The following SLC38A11 variants were observed in gnomAD, a reference collection of about 807,000 sequenced individuals.
The protein encoded by SLC38A11 is solute carrier family 38 member 11, also known as putative sodium-coupled neutral amino acid transporter 11.
In SLC38A11, 51 loss-of-function variants were observed where a neutral mutation model predicts 49.4. That is an observed-to-expected ratio of 1.03 (90% CI 0.83 to 1.30). The LOEUF (loss-of-function observed/expected upper bound fraction) is 1.30. Ranked by LOEUF, SLC38A11 falls within the 50% of genes most tolerant of loss-of-function variation. The pLI, the probability that SLC38A11 is intolerant of heterozygous loss-of-function variation, is 0.00. For synonymous variants in SLC38A11, 203 were observed against 192.9 expected, an observed-to-expected ratio of 1.05 and a Z score of -0.43; for missense variants, 574 against 556.2, an observed-to-expected ratio of 1.03 and a Z score of -0.32.
rs981451954 is a variant in SLC38A11 at position 164,895,234 on chromosome 2, G to C, written c.*3203C>G. On this transcript the variant is annotated 3_prime_UTR_variant, in exon 12 of 12. Transcript: ENST00000685975. ...CATCTCTGGTCCACTCTACATATTT[G>C]CTCTGCTATCTTGGCAAATTCTTTA... 1.3e-5 allele frequency among the ~76,000 whole-genome samples: 2 copies of C among 152,276 alleles called. No individual in the cohort carries two copies. Among genetic ancestry groups the C allele is most frequent in the Admixed American group, 6.5e-5 (1 of 15,290 alleles).
intron 11 of SLC38A11, among the ~76,000 whole-genome samples, chr2:164,899,533 T>C (rs1185842868): frequency 6.6e-6 from 1 of 152,114 alleles, no homozygotes; most frequent in Non-Finnish European, 1.5e-5. Flanking sequence ...ATAATATAAA[T>C]GTTAACATTT....
chr2:164,923,455 C>T (rs946112894), intron 7 of SLC38A11, among the ~76,000 whole-genome samples: 1 of 152,030 alleles, frequency 6.6e-6, no homozygotes, highest in Non-Finnish European at 1.5e-5. Flanking sequence ...AACAAATAGC[C>T]AATGAACATA....
chr2:164,949,777 A>T (rs1031798973), intron 3 of SLC38A11, among the ~76,000 whole-genome samples: 5 of 152,242 alleles, frequency 3.3e-5, no homozygotes, highest in African/African-American at 1.2e-4. Context: ...TCCCTGGGTA[A>T]CAGAATTCTC....
At chr2:164,950,347 G>A (rs1688439203) in intron 3 of SLC38A11, among the ~76,000 whole-genome samples, 2 of 152,188 alleles carry the variant, frequency 1.3e-5, no homozygotes, top group African/African-American at 4.8e-5. Context: ...GCTTGCTGAA[G>A]AAGGGTATGG....
At chr2:164,945,821 T>G in intron 3 of SLC38A11, 94 bp from the exon 4 acceptor site, 1 of 1,388,010 alleles carries the variant, frequency 7.2e-7, no homozygotes, top group Non-Finnish European at 9.9e-7. Flanking sequence ...GGGGAAATTT[T>G]AAAGAAGCAT....
chr2:164,920,980 A>C (rs1686157934), intron 7 of SLC38A11, among the ~76,000 whole-genome samples: 1 of 152,184 alleles, frequency 6.6e-6, no homozygotes, highest in Non-Finnish European at 1.5e-5. Context: ...GGACATCCAG[A>C]TAAACACAAA....
At chr2:164,953,493 C>T (rs950527197) in intron 2 of SLC38A11, among the ~76,000 whole-genome samples, 1 of 152,166 alleles carries the variant, frequency 6.6e-6, no homozygotes, top group Non-Finnish European at 1.5e-5. Context: ...TAACTTAACA[C>T]GTTCACATCA....
At chr2:164,952,598 T>C (rs2105522804) in intron 3 of SLC38A11, 109 bp downstream of exon 3, 1 of 799,166 alleles carries the variant, frequency 1.3e-6, no homozygotes, top group Non-Finnish European at 2.2e-6. Context: ...TTGATGCACT[T>C]TTTAATTAAC....
intron 7 of SLC38A11, among the ~76,000 whole-genome samples, chr2:164,925,633 A>G (rs988786451): frequency 3.9e-5 from 6 of 152,196 alleles, no homozygotes; most frequent in Non-Finnish European, 2.9e-5. Flanking sequence ...TTCCCTTCCT[A>G]TCCTGGTAAA....
At chr2:164,913,864 T>G (rs1685576382) in intron 9 of SLC38A11, among the ~76,000 whole-genome samples, 1 of 152,088 alleles carries the variant, frequency 6.6e-6, no homozygotes, top group South Asian at 2.1e-4. Context: ...TTTGACTGCA[T>G]TTGAATTTTG....
intron 3 of SLC38A11, among the ~76,000 whole-genome samples, chr2:164,949,194 AAT>A (rs199537684): frequency 0.56 from 84,326 of 150,910 alleles, 23,784 homozygotes; most frequent in South Asian, 0.77. Context: ...ATCGGATTCT[AAT>A]TTAATGTGAT....
intron 9 of SLC38A11, among the ~76,000 whole-genome samples, chr2:164,913,083 C>A (rs1187707115): frequency 4.6e-5 from 7 of 151,672 alleles, no homozygotes; most frequent in Non-Finnish European, 7.4e-5. Flanking sequence ...AGCTATAATA[C>A]CTCTGTACTG....
At chr2:164,919,608 A>T (rs1161011252) in intron 7 of SLC38A11, among the ~76,000 whole-genome samples, 1 of 152,196 alleles carries the variant, frequency 6.6e-6, no homozygotes, top group Admixed American at 6.5e-5. Context: ...AAAGCCATGG[A>T]TGCTCAAGTC....
intron 8 of SLC38A11, 126 bp downstream of exon 8, chr2:164,915,777 T>C: frequency 1.5e-6 from 1 of 662,102 alleles, no homozygotes; most frequent in Non-Finnish European, 2.6e-6. Flanking sequence ...AACTAGATCA[T>C]ATGCTGCTAA....
intron 5 of SLC38A11, 109 bp downstream of exon 5, chr2:164,944,460 C>T: frequency 4.7e-6 from 2 of 422,506 alleles, no homozygotes; most frequent in Non-Finnish European, 4.0e-6. Context: ...TGAAGTAATC[C>T]AATAATTTCA....
rs543721246 is a variant in SLC38A11, at chr2:164,895,574, A to G, written c.*2863T>C. 3.3e-5 allele frequency: 5 copies of G among 152,330 alleles called. No individual in the cohort carries two copies. The Middle Eastern group carries it at 0.017, about 518-fold the overall frequency. The allele number at this position is 152,330 out of a possible 1,614,324, so 9.4% of individuals were successfully genotyped here. On this transcript the variant is annotated 3_prime_UTR_variant, in exon 12 of 12. Coordinates refer to ENST00000685975, the MANE Select transcript of SLC38A11 (RefSeq NM_001351537.2). ...ATAGTATGACTTCAGCAGAGGACTA[A>G]TTGAAAATTTCTTAGTTTGGTTAAA...
In SLC38A11 at chr2:164,895,903, A is replaced by T. The variant is rs539644662; in HGVS notation, c.*2534T>A. ...CTATCCAACTTATATCCTTAAAGGA[A>T]GTGTATTGCTAGATGTTCTCATTTG... On this transcript the variant is annotated 3_prime_UTR_variant, in exon 12 of 12. Transcript: ENST00000685975. 1 of 152,338 alleles carries T rather than the reference A, an allele frequency of 6.6e-6. No homozygotes were observed. The highest frequency in any genetic ancestry group is 1.5e-5 in the Non-Finnish European group (1 of 68,034). The allele number at this position is 152,338 out of a possible 1,614,324, so 9.4% of individuals were successfully genotyped here. A position where few individuals can be genotyped will look rare whatever the true frequency, so the allele number is the denominator to read the frequency against.
chr2:164,905,430 C>A (rs1303016966), intron 11 of SLC38A11, among the ~76,000 whole-genome samples: 1 of 152,090 alleles, frequency 6.6e-6, no homozygotes, highest in Non-Finnish European at 1.5e-5. Context: ...CTGCGCCCTG[C>A]CCACATTATT....
At position 164,938,446 on chromosome 2, in the gene SLC38A11, T is replaced by C. The variant is rs151060778; in HGVS notation, c.537+1004A>G. On this transcript the variant is annotated intron_variant, in intron 6 of 11. Coordinates refer to ENST00000685975, the MANE Select transcript of SLC38A11 (RefSeq NM_001351537.2). The stretch of plus-strand genomic sequence containing the variant: ...GGAAAAAATGCTCAGGTATTAATAA[T>C]ATGACAGAATGTTAATAGCCTTCCT... 1.4e-4 allele frequency among the ~76,000 whole-genome samples: 21 copies of C among 152,296 alleles called. No homozygotes were observed. In the East Asian group the frequency reaches 3.9e-3, roughly 28 times the overall value.
Sources: allele counts gnomAD v4.1 joint callset (sites outside exome capture counted in the v4.1 genomes callset), GRCh38; gene constraint gnomAD v4.1.1; transcripts MANE v1.5; gene names NCBI Gene and HGNC (gene_info 2026-07-23, HGNC 2026-07-21).